The following GPR161 variants were observed in gnomAD, a reference collection of about 807,000 sequenced individuals.
The protein encoded by GPR161 is G-protein coupled receptor RE2.
GPR161 carries 25 observed loss-of-function variants against 39.2 expected under a neutral mutation model. The observed-to-expected ratio is 0.64, with a 90% CI of 0.47 to 0.89. GPR161 has a LOEUF of 0.89. Ranked by LOEUF, GPR161 falls within the 40% of genes least tolerant of loss-of-function variation. GPR161 has a pLI of 0.00. For synonymous variants in GPR161, 286 were observed against 276.6 expected (o/e 1.03, Z -0.34); for missense variants, 547 against 677.8 (o/e 0.81, Z 2.14).
chr1:168,128,197 C>T (rs893301801), intron 1 of GPR161, among the ~76,000 whole-genome samples: 2 of 152,132 alleles, frequency 1.3e-5, no homozygotes, highest in African/African-American at 2.4e-5. Flanking sequence ...GAAATGATAT[C>T]AGTGAAAAGA....
intron 1 of GPR161, among the ~76,000 whole-genome samples, chr1:168,116,959 T>C (rs552328161): frequency 6.4e-4 from 98 of 152,180 alleles, no homozygotes; most frequent in Non-Finnish European, 1.2e-3. Flanking sequence ...GACTTCTGAA[T>C]TCTGAATTCG....
chr1:168,111,453 G>C (rs1697158589), intron 1 of GPR161, among the ~76,000 whole-genome samples: 1 of 152,184 alleles, frequency 6.6e-6, no homozygotes, highest in African/African-American at 2.4e-5. Context: ...TTTGGGTAAA[G>C]CTGCTTTGAT....
At chr1:168,115,737 C>T (rs902726192) in intron 1 of GPR161, among the ~76,000 whole-genome samples, 7 of 151,882 alleles carry the variant, frequency 4.6e-5, no homozygotes, top group Non-Finnish European at 1.0e-4. Context: ...CGGGATAGGA[C>T]AAGACACACC....
At chr1:168,099,831 T>G (rs1373814683) in intron 2 of GPR161, among the ~76,000 whole-genome samples, 1 of 126,686 alleles carries the variant, frequency 7.9e-6, no homozygotes. Context: ...TTTAAGTTTT[T>G]TTTTTGGGGG....
At chr1:168,100,941 G>A (rs1696036859) in intron 2 of GPR161, among the ~76,000 whole-genome samples, 1 of 152,130 alleles carries the variant, frequency 6.6e-6, no homozygotes, top group Admixed American at 6.5e-5. Flanking sequence ...TGGAACCGCT[G>A]GCAGGTCAAA....
intron 1 of GPR161, among the ~76,000 whole-genome samples, chr1:168,125,032 C>G (rs1486545284): frequency 6.6e-6 from 1 of 152,202 alleles, no homozygotes; most frequent in Non-Finnish European, 1.5e-5. Flanking sequence ...GGACTAATAA[C>G]CAGAATGTTC....
intron 3 of GPR161, among the ~76,000 whole-genome samples, chr1:168,095,910 G>A (rs1459232387): frequency 6.6e-6 from 1 of 151,966 alleles, no homozygotes; most frequent in Non-Finnish European, 1.5e-5. Flanking sequence ...TGAGGTGGGC[G>A]GATCACTTGA....
Position 168,085,394 on chromosome 1 carries a change from A to G in GPR161, c.*137T>C. On this transcript the variant is annotated 3_prime_UTR_variant, in exon 6 of 6. Transcript: ENST00000682931. ...TTTCAGTCCTTGTCCTGGTGGCTGC[A>G]TACCAGATGCTGCTCCTTCCCTGTG... The G allele has an allele frequency of 1.3e-6, 1 of 754,696 alleles. No individual in the cohort carries two copies. The highest frequency in any genetic ancestry group is 2.2e-6 in the Non-Finnish European group (1 of 452,194). The allele number at this position is 754,696 out of a possible 1,614,324, so 46.7% of individuals were successfully genotyped here.
chr1:168,132,587 CA>C (rs1160404142), intron 1 of GPR161, among the ~76,000 whole-genome samples: 2,040 of 78,490 alleles, frequency 0.026, 31 homozygotes, highest in African/African-American at 0.077. Flanking sequence ...GACTCCGTCT[CA>C]AAAAAAAAAA....
intron 1 of GPR161, among the ~76,000 whole-genome samples, chr1:168,126,758 T>C (rs1558138455): frequency 6.6e-6 from 1 of 152,226 alleles, no homozygotes; most frequent in African/African-American, 2.4e-5. Context: ...CCGGCCATAA[T>C]ACAAGTTTTT....
At chr1:168,094,492 T>C (rs1695345559) in intron 3 of GPR161, among the ~76,000 whole-genome samples, 1 of 152,190 alleles carries the variant, frequency 6.6e-6, no homozygotes, top group African/African-American at 2.4e-5. Flanking sequence ...CCTTCCTCTC[T>C]TGGAAATAAA....
chr1:168,086,894 G>A (rs1438653870), intron 5 of GPR161, among the ~76,000 whole-genome samples: 1 of 152,136 alleles, frequency 6.6e-6, no homozygotes, highest in African/African-American at 2.4e-5. Context: ...CTCTGACAGA[G>A]GCCATATTTA....
Position 168,098,286 on chromosome 1 carries a change from C to T in GPR161, c.375-1054G>A, listed in dbSNP as rs546203366. On this transcript the variant is annotated intron_variant, in intron 2 of 5. Transcript: ENST00000682931. The surrounding 1 kb of genome is among the most constrained non-coding windows in gnomAD (Gnocchi z 4.1). ...AGAGAGGAGGAGAGAAGGAAGCAGG[C>T]CGGGTGGACGGGGCCGGGGCATGCA... 3.3e-5 allele frequency among the ~76,000 whole-genome samples: 5 copies of T among 152,272 alleles called. No homozygotes were observed. Among genetic ancestry groups the T allele is most frequent in the Admixed American group, 3.3e-4 (5 of 15,296 alleles).
Position 168,104,481 on chromosome 1 carries a change from C to A in GPR161, c.370G>T (p.Asp124Tyr). 1 of 1,611,392 alleles carries A rather than the reference C, an allele frequency of 6.2e-7. No individual in the cohort carries two copies. Among genetic ancestry groups the A allele is most frequent in the South Asian group, 1.1e-5 (1 of 90,878 alleles). The change falls in exon 2 of 6, where the codon GAC becomes TAC. Residue 124 changes from aspartate to tyrosine, a missense_variant. Asp to Tyr is a radical substitution (Grantham distance 160). Coordinates refer to ENST00000682931, the MANE Select transcript of GPR161 (RefSeq NM_001375883.1). ...SMLTLGVIAI[D>Y]RYYAVLYPMV... Reference sequence around the variant, plus strand: ...CTAAGTCTGAGGCATGCTTACCGGTCGATGGCAATGACCCCGAGGGTTAGC... The same window carrying A: ...CTAAGTCTGAGGCATGCTTACCGGTAGATGGCAATGACCCCGAGGGTTAGC...
intron 1 of GPR161, among the ~76,000 whole-genome samples, chr1:168,117,503 C>G (rs573651143): frequency 1.2e-4 from 18 of 152,210 alleles, no homozygotes; most frequent in East Asian, 3.9e-4. Context: ...TTACTTAACC[C>G]CCCCCTGCAT....
At chr1:168,131,688 A>C (rs16828105) in intron 1 of GPR161, among the ~76,000 whole-genome samples, 15,417 of 152,234 alleles carry the variant, frequency 0.1, 839 homozygotes, top group Middle Eastern at 0.19. Flanking sequence ...AGCAAGACAG[A>C]AAACTTGAAA....
rs1425450616 is a variant in GPR161 at position 168,098,074 on chromosome 1, A to C, written c.375-842T>G. 2.0e-5 allele frequency among the ~76,000 whole-genome samples: 3 copies of C among 152,298 alleles called. No individual in the cohort carries two copies. In the East Asian group the frequency reaches 5.8e-4, roughly 29 times the overall value. On this transcript the variant is annotated intron_variant, in intron 2 of 5. Transcript: ENST00000682931. This position sits in a 1 kb window ranked among gnomAD's most constrained non-coding sequence, Gnocchi z 4.1. ...AACTGGCAGGCTTCTGGTCCAGCAC[A>C]GAGGGTCACAGCAGGCTCCTGTTGG... is the stretch of plus-strand genomic sequence containing the variant.
Position 168,080,507 on chromosome 1 carries a change from T to G in GPR161, c.*5024A>C, listed in dbSNP as rs777074365. 6.6e-6 allele frequency: 1 copy of G among 152,304 alleles called. No individual in the cohort carries two copies. Among genetic ancestry groups the G allele is most frequent in the African/African-American group, 2.4e-5 (1 of 41,452 alleles). The allele number at this position is 152,304 out of a possible 1,614,324, so 9.4% of individuals were successfully genotyped here. A position where few individuals can be genotyped will look rare whatever the true frequency, so the allele number is the denominator to read the frequency against. Reference sequence around the variant, plus strand: ...CACAGCCATTCTCCTTTGCCTACAGTGAAGACGGTAATTTCCTCTCTCTCC... The same window carrying G: ...CACAGCCATTCTCCTTTGCCTACAGGGAAGACGGTAATTTCCTCTCTCTCC... On this transcript the variant is annotated 3_prime_UTR_variant, in exon 6 of 6. Coordinates refer to ENST00000682931, the MANE Select transcript of GPR161 (RefSeq NM_001375883.1).
At position 168,096,819 on chromosome 1, in the gene GPR161, G is replaced by A. The variant is rs1176443516; in HGVS notation, c.788C>T (p.Ala263Val). 1.9e-6 allele frequency: 3 copies of A among 1,613,984 alleles called. No individual in the cohort carries two copies. The highest frequency in any genetic ancestry group is 2.5e-6 in the Non-Finnish European group (3 of 1,180,012). ...GGTGATGAGGGCTTTGCACTGGTTG[G>A]CCGAGTAGACCACACCCTGAAAGGC... ...RNAFQGVVYS[A>V]NQCKALITIL... The change falls in exon 3 of 6, where the codon GCC (alanine) becomes GTC (valine). Residue 263 changes from alanine (A) to valine (V), a missense_variant. By Grantham distance (64) the Ala-to-Val change is moderately conservative. Transcript: ENST00000682931.
Sources: allele counts gnomAD v4.1 joint callset (sites outside exome capture counted in the v4.1 genomes callset), GRCh38; gene constraint gnomAD v4.1.1; non-coding constraint Gnocchi (gnomAD v3.1); transcripts MANE v1.5; gene names NCBI Gene and HGNC (gene_info 2026-07-23, HGNC 2026-07-21).